NUMA1: variants seen among roughly 807,000 people sequenced by gnomAD.
The protein encoded by NUMA1 is nuclear mitotic apparatus protein 1.
A neutral mutation model predicts 237.1 loss-of-function variants in NUMA1; 62 were observed. That is an observed-to-expected ratio of 0.26 (90% CI 0.21 to 0.32). The LOEUF (loss-of-function observed/expected upper bound fraction) is 0.32, where lower values mean the gene tolerates loss of function less well. Among genes scored for constraint, NUMA1 ranks in the 10% least tolerant of loss-of-function variants. The pLI, the probability that NUMA1 is intolerant of heterozygous loss-of-function variation, is 1.00. For missense variants in NUMA1, 2,533 were observed against 2,666.5 expected (o/e 0.95, Z 1.10); for synonymous variants, 1,028 against 1,066.1 (o/e 0.96, Z 0.70).
intron 16 of NUMA1, 93 bp downstream of exon 16, chr11:72,012,308 A>T: frequency 2.5e-6 from 3 of 1,204,838 alleles, no homozygotes; most frequent in Non-Finnish European, 3.7e-6. Context: ...AGTTCACAAC[A>T]GGAGCTGGCG....
Position 72,008,630 on chromosome 11 carries a change from G to C in NUMA1, c.5216+58C>G, listed in dbSNP as rs777655065. 6.4e-6 allele frequency: 10 copies of C among 1,554,824 alleles called. No homozygotes were observed. The African/African-American group carries it at 1.4e-4, about 21-fold the overall frequency. On this transcript the variant is annotated intron_variant, in intron 20 of 26. Coordinates refer to ENST00000393695, the MANE Select transcript of NUMA1 (RefSeq NM_006185.4). ...ATCTTATTTATCTCACTAGGATACA[G>C]CCTGATAAACAGCAGGCACTCCATA...
chr11:72,057,530 G>A (rs1942719970), intron 2 of NUMA1, among the ~76,000 whole-genome samples: 1 of 151,984 alleles, frequency 6.6e-6, no homozygotes, highest in Non-Finnish European at 1.5e-5. Context: ...GATCACTTGA[G>A]GTCAGGAGTT....
chr11:72,004,465 C>G (rs941288611), intron 24 of NUMA1, 124 bp from the exon 25 acceptor site: 8 of 1,220,194 alleles, frequency 6.6e-6, no homozygotes, highest in Non-Finnish European at 9.4e-6. Flanking sequence ...CCCTTCCCAA[C>G]TCTGGGCCAG....
intron 3 of NUMA1, among the ~76,000 whole-genome samples, chr11:72,030,341 GA>G (rs1214642905): frequency 5.6e-4 from 32 of 56,808 alleles, no homozygotes; most frequent in African/African-American, 1.0e-3. Flanking sequence ...GTCTCCAAAG[GA>G]AAAAAAAAAA....
At chr11:72,054,638 G>A (rs1432053859) in intron 2 of NUMA1, among the ~76,000 whole-genome samples, 3 of 152,120 alleles carry the variant, frequency 2.0e-5, no homozygotes, top group Non-Finnish European at 4.4e-5. Context: ...CTAATAAGTA[G>A]CAGAATTAAG....
At chr11:72,017,598 C>T (rs756906748) in intron 13 of NUMA1, 89 bp downstream of exon 13, 15 of 1,512,864 alleles carry the variant, frequency 9.9e-6, no homozygotes, top group Non-Finnish European at 1.4e-5. Flanking sequence ...CAACTTAATA[C>T]CCAAAGGCCC....
chr11:72,014,349 G>A lies in NUMA1; in HGVS notation c.3154C>T (p.Leu1052=). The change falls in exon 15 of 27, where the codon CTG becomes TTG. Residue 1052 remains leucine, a synonymous_variant. Coordinates refer to ENST00000393695, the MANE Select transcript of NUMA1 (RefSeq NM_006185.4). The surrounding 1 kb of genome is among the most constrained non-coding windows in gnomAD (Gnocchi z 4.6). The part of the protein sequence containing the change: ...RVEFATLQEA[L]AHALTEKEGK... ...TCCTTTTCCGTCAGGGCATGAGCCA[G>A]TGCCTCTTGCAGGGTAGCGAACTCC... 1.2e-6 allele frequency: 2 copies of A among 1,613,714 alleles called. No homozygotes were observed. Among genetic ancestry groups the A allele is most frequent in the Non-Finnish European group, 1.7e-6 (2 of 1,180,054 alleles).
intron 16 of NUMA1, 86 bp downstream of exon 16, chr11:72,012,315 G>A: frequency 7.8e-7 from 1 of 1,278,070 alleles, no homozygotes; most frequent in Non-Finnish European, 1.1e-6. Context: ...AACAGGAGCT[G>A]GCGGAGGCAA....
intron 26 of NUMA1, 143 bp from the exon 27 acceptor site, chr11:72,003,681 G>C (rs923506957): frequency 2.6e-6 from 3 of 1,141,438 alleles, no homozygotes; most frequent in Non-Finnish European, 3.9e-6. Context: ...TGCTGGCTGT[G>C]CCTGAGCAGC....
chr11:72,079,014 C>A (rs1943860882), intron 1 of NUMA1, among the ~76,000 whole-genome samples: 1 of 152,206 alleles, frequency 6.6e-6, no homozygotes, highest in South Asian at 2.1e-4. Context: ...AATATCATCA[C>A]GTTTTCAAGA....
chr11:72,071,069 G>A (rs537348547), intron 1 of NUMA1, among the ~76,000 whole-genome samples: 1 of 152,294 alleles, frequency 6.6e-6, no homozygotes, highest in South Asian at 2.1e-4. Flanking sequence ...AACCCTCAAA[G>A]TCACTTTTCA....
chr11:72,010,053 C>T (rs548376651), intron 17 of NUMA1, among the ~76,000 whole-genome samples: 1 of 152,326 alleles, frequency 6.6e-6, no homozygotes, highest in South Asian at 2.1e-4. Context: ...CCCTTTGCCT[C>T]TCCTAACATA....
intron 1 of NUMA1, among the ~76,000 whole-genome samples, chr11:72,076,970 CAA>C (rs1943738283): frequency 6.6e-6 from 1 of 151,920 alleles, no homozygotes; most frequent in Non-Finnish European, 1.5e-5. Context: ...GAAAATGAAC[CAA>C]AGAGCACTTC....
chr11:72,050,949 A>AC (rs1942310611), intron 2 of NUMA1: 1 of 142,714 alleles, frequency 7.0e-6, no homozygotes, highest in African/African-American at 2.6e-5. Context: ...GTGCAGTGGC[A>AC]TAATCATAGC....
chr11:72,053,167 G>A (rs1012620282), intron 2 of NUMA1, among the ~76,000 whole-genome samples: 1 of 152,158 alleles, frequency 6.6e-6, no homozygotes, highest in Non-Finnish European at 1.5e-5. Context: ...TTTAATTTTT[G>A]TAGAGACAGG....
chr11:72,053,187 T>A (rs1942460306), intron 2 of NUMA1, among the ~76,000 whole-genome samples: 1 of 152,238 alleles, frequency 6.6e-6, no homozygotes, highest in Non-Finnish European at 1.5e-5. Context: ...GATCTTGCTA[T>A]GTTGTCCAAG....
chr11:72,018,036 TAAGGA>T, intron 12 of NUMA1, 142 bp downstream of exon 12: 1 of 930,162 alleles, frequency 1.1e-6, no homozygotes, highest in Non-Finnish European at 1.7e-6. Context: ...AATTATGGGA[TAAGGA>T]AAGGGGCAAA....
At chr11:72,005,960 T>C in intron 22 of NUMA1, 75 bp downstream of exon 22, 2 of 1,258,574 alleles carry the variant, frequency 1.6e-6, no homozygotes, top group Non-Finnish European at 2.2e-6. Flanking sequence ...TTAAAAAGCT[T>C]TCCTCTTTTC....
intron 26 of NUMA1, 47 bp downstream of exon 26, chr11:72,003,840 C>A (rs1359270297): frequency 1.3e-6 from 2 of 1,590,050 alleles, no homozygotes; most frequent in Non-Finnish European, 1.7e-6. Flanking sequence ...TGGGGGGTGC[C>A]CATGCTCTCA....
Sources: allele counts gnomAD v4.1 joint callset (sites outside exome capture counted in the v4.1 genomes callset), GRCh38; gene constraint gnomAD v4.1.1; non-coding constraint Gnocchi (gnomAD v3.1); transcripts MANE v1.5; gene names NCBI Gene and HGNC (gene_info 2026-07-23, HGNC 2026-07-21).